Variants in THSD4 observed in about 807,000 individuals in gnomAD.
The protein encoded by THSD4 is thrombospondin type 1 domain containing 4, also known as thrombospondin type-1 domain-containing protein 4.
THSD4 carries 69 observed loss-of-function variants against 119.0 expected under a neutral mutation model. The observed-to-expected ratio is 0.58, with a 90% confidence interval of 0.48 to 0.71. The LOEUF (loss-of-function observed/expected upper bound fraction) is 0.71. THSD4 is among the 30% of genes least tolerant of loss of function. THSD4 has a pLI of 0.00. For missense variants in THSD4, 1,393 were observed against 1,391.1 expected (o/e 1.00, Z -0.02); for synonymous variants, 524 against 540.4 (o/e 0.97, Z 0.42).
intron 7 of THSD4, among the ~76,000 whole-genome samples, chr15:71,479,288 T>A (rs1310310131): frequency 6.6e-6 from 1 of 150,664 alleles, no homozygotes; most frequent in African/African-American, 2.4e-5. Flanking sequence ...TTAAATAACA[T>A]TCTCCATCTC....
At chr15:71,639,486 A>G (rs1049964602) in intron 7 of THSD4, among the ~76,000 whole-genome samples, 6 of 152,174 alleles carry the variant, frequency 3.9e-5, no homozygotes, top group South Asian at 2.1e-4. Flanking sequence ...GAGGCATTCT[A>G]TGATTTGGAA....
chr15:71,510,627 A>C (rs2048267684), intron 7 of THSD4, among the ~76,000 whole-genome samples: 1 of 152,112 alleles, frequency 6.6e-6, no homozygotes, highest in Non-Finnish European at 1.5e-5. Flanking sequence ...TGCTGCCTGG[A>C]TTAGGGCAAA....
chr15:71,382,838 A>G (rs892129504), intron 6 of THSD4, among the ~76,000 whole-genome samples: 3 of 152,222 alleles, frequency 2.0e-5, no homozygotes, highest in African/African-American at 7.2e-5. Context: ...TCTATACTGT[A>G]TTAAAAAATG....
At chr15:71,365,151 G>GTGTT (rs1189396395) in intron 6 of THSD4, among the ~76,000 whole-genome samples, 1 of 151,308 alleles carries the variant, frequency 6.6e-6, no homozygotes, top group Non-Finnish European at 1.5e-5. Context: ...GTGTGTGTGT[G>GTGTT]TGTGTGTGTG....
chr15:71,735,678 CTCACTTTCTGTCTCTGTCTCTG>C, intron 10 of THSD4, among the ~76,000 whole-genome samples: 1 of 151,098 alleles, frequency 6.6e-6, no homozygotes, highest in Non-Finnish European at 1.5e-5. Context: ...CTCTGTCTCT[CTCACTTTCTGTCTCTGTCTCTG>C]TCTCTCTTGC....
intron 1 of THSD4, among the ~76,000 whole-genome samples, chr15:71,125,714 C>G (rs2040449105): frequency 6.6e-6 from 1 of 152,236 alleles, no homozygotes; most frequent in African/African-American, 2.4e-5. Flanking sequence ...GGCCTGCTGG[C>G]TGCTCCTGGG....
rs779081989 is a variant in THSD4, at chr15:71,728,591, G to C, written c.1400G>C (p.Trp467Ser). ...RSGRSIINGN[W>S]AIDRPGKYEG... is the part of the protein sequence containing the mutation. ...GGACGCTCCATCATCAATGGGAACT[G>C]GGCAATTGATCGACCAGGAAAATAC... The change falls in exon 9 of 18, where the codon TGG becomes TCG. Residue 467 changes from tryptophan to serine, a missense_variant. Physicochemically the swap from Trp to Ser is radical, Grantham distance 177. Transcript: ENST00000261862. 1 of 1,614,172 alleles carries C rather than the reference G, an allele frequency of 6.2e-7. No individual in the cohort carries two copies. The highest frequency in any genetic ancestry group is 8.5e-7 in the Non-Finnish European group (1 of 1,180,040).
intron 3 of THSD4, among the ~76,000 whole-genome samples, chr15:71,192,491 C>T (rs1839845297): frequency 1.3e-5 from 2 of 151,974 alleles, no homozygotes; most frequent in Non-Finnish European, 2.9e-5. Context: ...CCATGTTGGC[C>T]AGGCCAGTCT....
At chr15:71,587,787 T>TAAAAAAAAAAAA (rs1207231444) in intron 7 of THSD4, among the ~76,000 whole-genome samples, 2 of 105,546 alleles carry the variant, frequency 1.9e-5, no homozygotes, top group Non-Finnish European at 3.9e-5. Context: ...AAAAAAAAAT[T>TAAAAAAAAAAAA]AAAAAAAAAA....
chr15:71,285,773 G>T (rs2044708270), intron 6 of THSD4, among the ~76,000 whole-genome samples: 1 of 143,580 alleles, frequency 7.0e-6, no homozygotes, highest in Non-Finnish European at 1.5e-5. Flanking sequence ...AGAATTGCTT[G>T]AACCTGGGAG....
chr15:71,362,017 C>A (rs1253714700), intron 6 of THSD4, among the ~76,000 whole-genome samples: 1 of 152,184 alleles, frequency 6.6e-6, no homozygotes, highest in African/African-American at 2.4e-5. Context: ...GTGGCTAATG[C>A]CTATAATCCC....
chr15:71,439,056 G>C (rs1280421722), intron 7 of THSD4, among the ~76,000 whole-genome samples: 2 of 152,160 alleles, frequency 1.3e-5, no homozygotes, highest in African/African-American at 4.8e-5. Context: ...AAAAAATAGA[G>C]AACTGGAAAA....
At chr15:71,281,140 TC>T (rs1327514801) in intron 6 of THSD4, among the ~76,000 whole-genome samples, 1 of 152,250 alleles carries the variant, frequency 6.6e-6, no homozygotes, top group Non-Finnish European at 1.5e-5. Flanking sequence ...CTTTGTGGGT[TC>T]CCCTGTGGGT....
At chr15:71,396,196 AATAC>A (rs1338556114) in intron 6 of THSD4, among the ~76,000 whole-genome samples, 5 of 151,706 alleles carry the variant, frequency 3.3e-5, no homozygotes, top group Non-Finnish European at 7.4e-5. Context: ...ATGCCCTATA[AATAC>A]ATACTCTGAT....
At position 71,597,604 on chromosome 15, in the gene THSD4, CTTTG is replaced by C. The variant is rs376656043; in HGVS notation, c.1153-62921_1153-62918del. On this transcript the variant is annotated intron_variant, in intron 7 of 17. Transcript: ENST00000261862. ...GTATACAAAGAAAGCACTTTTAATA[CTTTG>C]TTTGGAAGAACAGGAGGAGAAGACT... Among the ~76,000 whole-genome samples, 367 of 152,270 alleles carry C rather than the reference CTTTG, an allele frequency of 2.4e-3. 1 individual carries two copies. The highest frequency in any genetic ancestry group is 7.9e-3 in the African/African-American group (327 of 41,566).
At chr15:71,263,230 G>C (rs1312550230) in intron 6 of THSD4, among the ~76,000 whole-genome samples, 1 of 151,466 alleles carries the variant, frequency 6.6e-6, no homozygotes, top group African/African-American at 2.4e-5. Context: ...TTGGTTTTCT[G>C]TTCCTGAATT....
At chr15:71,507,507 T>C (rs1422090775) in intron 7 of THSD4, among the ~76,000 whole-genome samples, 1 of 152,236 alleles carries the variant, frequency 6.6e-6, no homozygotes, top group Non-Finnish European at 1.5e-5. Context: ...CACACTCAGA[T>C]CTTCCCCTTC....
chr15:71,356,396 A>C (rs2045811415), intron 6 of THSD4, among the ~76,000 whole-genome samples: 1 of 151,988 alleles, frequency 6.6e-6, no homozygotes, highest in African/African-American at 2.4e-5. Context: ...GCAGGAGGGC[A>C]TTTTCTCTTG....
intron 6 of THSD4, among the ~76,000 whole-genome samples, chr15:71,393,522 G>T (rs1207692220): frequency 2.6e-5 from 4 of 152,102 alleles, no homozygotes; most frequent in Non-Finnish European, 5.9e-5. Context: ...TCTGGTTGGT[G>T]GAATCAGCCC....
Sources: gnomAD v4.1 joint callset for allele counts (sites outside exome capture counted in the v4.1 genomes callset) on GRCh38, gnomAD v4.1.1 for gene constraint, MANE v1.5 for transcripts, NCBI Gene and HGNC (gene_info 2026-07-23, HGNC 2026-07-21) for gene names.